SCHIP1: variants seen among roughly 807,000 people sequenced by gnomAD.
The protein encoded by SCHIP1 is schwannomin interacting protein 1, also known as schwannomin-interacting protein 1.
Under a neutral mutation model 29.7 loss-of-function variants are expected in SCHIP1, and 8 were observed. The ratio of observed to expected loss-of-function variants is 0.27; its 90% CI spans 0.16 to 0.49. The LOEUF (loss-of-function observed/expected upper bound fraction) is 0.49, where lower values mean the gene tolerates loss of function less well. SCHIP1 is among the 20% of genes least tolerant of loss of function. SCHIP1 has a pLI of 0.99. For synonymous variants in SCHIP1, 76 were observed against 94.9 expected, an observed-to-expected ratio of 0.80 and a Z score of 1.16; for missense variants, 193 against 294.6, an observed-to-expected ratio of 0.66 and a Z score of 2.52.
the SCHIP1 span, among the ~76,000 whole-genome samples, chr3:159,639,045 C>T: frequency 9.9e-5 from 15 of 152,052 alleles, no homozygotes; most frequent in African/African-American, 3.4e-4. Context: ...TTGTAATTCT[C>T]AACTGCTTAT....
chr3:159,441,919 A>T, the SCHIP1 span, among the ~76,000 whole-genome samples: 1 of 151,646 alleles, frequency 6.6e-6, no homozygotes, highest in Non-Finnish European at 1.5e-5. Flanking sequence ...CTGTTCTTGG[A>T]CTCCTGGGCT....
At chr3:159,688,121 T>C in the SCHIP1 span, among the ~76,000 whole-genome samples, 1 of 152,234 alleles carries the variant, frequency 6.6e-6, no homozygotes, top group African/African-American at 2.4e-5. Context: ...ATCCCAGTAA[T>C]GGGATTGCTG....
the SCHIP1 span, among the ~76,000 whole-genome samples, chr3:159,360,164 C>A: frequency 2.1e-3 from 318 of 152,274 alleles, no homozygotes; most frequent in African/African-American, 7.4e-3. Flanking sequence ...GCCCAGGGAC[C>A]ATTAAGCTTT....
At chr3:159,705,258 C>A in the SCHIP1 span, among the ~76,000 whole-genome samples, 1 of 152,080 alleles carries the variant, frequency 6.6e-6, no homozygotes, top group South Asian at 2.1e-4. Flanking sequence ...ACCACGGTGC[C>A]CGGACAACAA....
At chr3:159,424,844 C>T in the SCHIP1 span, among the ~76,000 whole-genome samples, 13 of 152,138 alleles carry the variant, frequency 8.5e-5, no homozygotes, top group South Asian at 2.1e-4. Flanking sequence ...GCGGATCTCT[C>T]GGCAGAAACT....
the SCHIP1 span, among the ~76,000 whole-genome samples, chr3:159,652,192 A>G: frequency 6.6e-6 from 1 of 152,288 alleles, no homozygotes; most frequent in East Asian, 1.9e-4. Context: ...TCAGGCTACC[A>G]ACTTCATTAG....
the SCHIP1 span, among the ~76,000 whole-genome samples, chr3:159,295,097 A>G: frequency 5.7e-3 from 872 of 152,088 alleles, 5 homozygotes; most frequent in African/African-American, 0.019. Flanking sequence ...AACCTCACAT[A>G]AAAGAAGAGT....
At chr3:159,456,703 C>T in the SCHIP1 span, among the ~76,000 whole-genome samples, 1 of 152,088 alleles carries the variant, frequency 6.6e-6, no homozygotes, top group African/African-American at 2.4e-5. Context: ...AACAGGCTTC[C>T]ACTTCGTAAA....
upstream of SCHIP1, among the ~76,000 whole-genome samples, chr3:159,835,202 A>G (rs145383088): frequency 8.5e-5 from 13 of 152,326 alleles, no homozygotes; most frequent in East Asian, 2.1e-3. Flanking sequence ...TTCAATTTGA[A>G]CAGAGTAGTA....
the SCHIP1 span, among the ~76,000 whole-genome samples, chr3:159,638,176 G>A: frequency 6.6e-6 from 1 of 152,138 alleles, no homozygotes; most frequent in Non-Finnish European, 1.5e-5. Flanking sequence ...CTGCATTAAT[G>A]AGATACACCT....
chr3:159,609,400 C>A, the SCHIP1 span, among the ~76,000 whole-genome samples: 1 of 152,132 alleles, frequency 6.6e-6, no homozygotes, highest in Non-Finnish European at 1.5e-5. Flanking sequence ...TATTATGTCA[C>A]TTTATGTCTC....
the SCHIP1 span, among the ~76,000 whole-genome samples, chr3:159,662,140 C>T: frequency 2.0e-5 from 3 of 152,118 alleles, no homozygotes; most frequent in Non-Finnish European, 4.4e-5. Flanking sequence ...ACTGCTCACG[C>T]TGCCACTCTG....
At chr3:159,418,030 A>G in the SCHIP1 span, among the ~76,000 whole-genome samples, 10 of 152,148 alleles carry the variant, frequency 6.6e-5, no homozygotes, top group Non-Finnish European at 1.5e-4. Flanking sequence ...TTGACCCCAG[A>G]TGCTTGGGGA....
At chr3:159,651,760 C>G in the SCHIP1 span, among the ~76,000 whole-genome samples, 1 of 151,978 alleles carries the variant, frequency 6.6e-6, no homozygotes, top group Non-Finnish European at 1.5e-5. Flanking sequence ...AGTTTGGAAG[C>G]CTAAAGCATT....
At chr3:159,294,000 A>G in the SCHIP1 span, among the ~76,000 whole-genome samples, 3 of 152,190 alleles carry the variant, frequency 2.0e-5, no homozygotes, top group African/African-American at 4.8e-5. Context: ...TACTGTCCAA[A>G]GACAGTAATC....
chr3:159,730,872 A>T, the SCHIP1 span, among the ~76,000 whole-genome samples: 1 of 152,230 alleles, frequency 6.6e-6, no homozygotes, highest in African/African-American at 2.4e-5. Context: ...TCTAGACATC[A>T]TACAAAAACC....
chr3:159,513,393 T>C, the SCHIP1 span, among the ~76,000 whole-genome samples: 3 of 152,238 alleles, frequency 2.0e-5, no homozygotes, highest in Non-Finnish European at 4.4e-5. Flanking sequence ...TCAGGTATTC[T>C]TCTGTTTGAA....
the SCHIP1 span, among the ~76,000 whole-genome samples, chr3:159,331,490 CTGAGTG>C: frequency 6.6e-6 from 1 of 152,102 alleles, no homozygotes; most frequent in Non-Finnish European, 1.5e-5. Context: ...ACACTTCCAC[CTGAGTG>C]TACACAGATT....
the SCHIP1 span, chr3:159,764,617 C>A: frequency 6.2e-7 from 1 of 1,608,720 alleles, no homozygotes; most frequent in Non-Finnish European, 8.5e-7. The surrounding 1 kb of genome is among the most constrained non-coding windows in gnomAD (Gnocchi z 6.1). Flanking sequence ...CTATGAGGAG[C>A]CCTTCCCGGT....
Sources: gnomAD v4.1 joint callset for allele counts (sites outside exome capture counted in the v4.1 genomes callset) on GRCh38, gnomAD v4.1.1 for gene constraint, Gnocchi (gnomAD v3.1) non-coding constraint, MANE v1.5 for transcripts, NCBI Gene and HGNC (gene_info 2026-07-23, HGNC 2026-07-21) for gene names.